The following STOX2 variants were observed in gnomAD, a reference collection of about 807,000 sequenced individuals.
STOX2 encodes the protein storkhead-box protein 2.
STOX2 carries 28 observed loss-of-function variants against 60.9 expected under a neutral mutation model. The observed-to-expected ratio is 0.46, with a 90% CI of 0.34 to 0.63. The LOEUF (loss-of-function observed/expected upper bound fraction) is 0.63, where lower values mean the gene tolerates loss of function less well. Ranked by LOEUF, STOX2 falls within the 30% of genes least tolerant of loss-of-function variation. The probability of loss-of-function intolerance (pLI) is 0.01; values close to 1 mark genes in which losing one functional copy is unlikely to be tolerated. For missense variants in STOX2, 1,024 were observed against 1,187.7 expected (o/e 0.86, Z 2.03); for synonymous variants, 472 against 463.9 (o/e 1.02, Z -0.22).
At chr4:183,962,408 C>A (rs1308610142) in intron 1 of STOX2, among the ~76,000 whole-genome samples, 1 of 151,768 alleles carries the variant, frequency 6.6e-6, no homozygotes, top group Non-Finnish European at 1.5e-5. Context: ...ATGGCAAAAT[C>A]TTCATTATTA....
chr4:183,810,833 T>TA (rs1296319078), intron 1 of STOX2, among the ~76,000 whole-genome samples: 1 of 152,038 alleles, frequency 6.6e-6, no homozygotes, highest in Admixed American at 6.6e-5. Context: ...ATAAGCCAGA[T>TA]ATACTTCTGT....
Position 183,919,960 on chromosome 4 carries a change from C to T in STOX2, c.166+13004C>T, listed in dbSNP as rs976286688. ...TGTGTTGGTACCTGTGTAAGTGTCA[C>T]CTTGTTTAGTCCTCACAGCAATCCT... On this transcript the variant is annotated intron_variant, in intron 1 of 3. Transcript: ENST00000308497. Among the ~76,000 whole-genome samples, 5 of 152,020 alleles carry T rather than the reference C, an allele frequency of 3.3e-5. No individual in the cohort carries two copies. The East Asian group carries it at 5.8e-4, about 18-fold the overall frequency.
chr4:183,915,212 C>CGTCTGATGG (rs1741896717), intron 1 of STOX2, among the ~76,000 whole-genome samples: 1 of 152,166 alleles, frequency 6.6e-6, no homozygotes, highest in African/African-American at 2.4e-5. Flanking sequence ...TGGCCTTATC[C>CGTCTGATGG]GTCTGATGGC....
chr4:183,804,459 GAGA>G (rs1190842870), intron 1 of STOX2, among the ~76,000 whole-genome samples: 1 of 152,242 alleles, frequency 6.6e-6, no homozygotes, highest in East Asian at 1.9e-4. Context: ...GCCAGGAAAG[GAGA>G]AGAAGGTGTG....
chr4:183,834,181 T>C (rs979235127), intron 1 of STOX2, among the ~76,000 whole-genome samples: 22 of 152,234 alleles, frequency 1.4e-4, no homozygotes, highest in Middle Eastern at 3.4e-3. Context: ...AAAGCATTCA[T>C]TGATCTTCCT....
chr4:183,817,768 C>G (rs778606551), intron 1 of STOX2, among the ~76,000 whole-genome samples: 23 of 151,928 alleles, frequency 1.5e-4, no homozygotes, highest in Non-Finnish European at 2.8e-4. Flanking sequence ...CTTTTCTCAC[C>G]GATGGTATTG....
chr4:183,799,663 C>T (rs915402976), intron 1 of STOX2, among the ~76,000 whole-genome samples: 1 of 23,292 alleles, frequency 4.3e-5, no homozygotes, highest in African/African-American at 5.9e-5. Context: ...ACCCCCTACC[C>T]GTACTTTTTT....
At position 183,806,300 on chromosome 4, in the gene STOX2, A is replaced by G. The variant is rs899211709; in HGVS notation, c.364+8245A>G. On this transcript the variant is annotated intron_variant, in intron 1 of 2. Coordinates refer to the STOX2 transcript ENST00000513034. This position sits in a 1 kb window ranked among gnomAD's most constrained non-coding sequence, Gnocchi z 4.1. ...CAGGATGTCACCTCCCCACTCCCCA[A>G]TAACGTACGTTTGGGAAGCACATGA... 2.6e-5 allele frequency among the ~76,000 whole-genome samples: 4 copies of G among 152,158 alleles called. No individual in the cohort carries two copies. Among genetic ancestry groups the G allele is most frequent in the Non-Finnish European group, 4.4e-5 (3 of 68,036 alleles).
intron 1 of STOX2, among the ~76,000 whole-genome samples, chr4:183,972,181 C>T (rs1177205303): frequency 6.6e-6 from 1 of 152,174 alleles, no homozygotes; most frequent in Non-Finnish European, 1.5e-5. Context: ...AGGAGGATTT[C>T]CTTCTTTCTG....
intron 1 of STOX2, chr4:183,853,325 C>A (rs543051222): frequency 6.6e-6 from 1 of 152,338 alleles, no homozygotes; most frequent in Admixed American, 6.5e-5. Flanking sequence ...CCCGTGGGTC[C>A]TTAATGACTT....
At chr4:183,840,008 G>T (rs1380727446) in intron 1 of STOX2, among the ~76,000 whole-genome samples, 1 of 152,052 alleles carries the variant, frequency 6.6e-6, no homozygotes, top group Non-Finnish European at 1.5e-5. Flanking sequence ...AACACTCAGC[G>T]TGCAAGGATT....
intron 1 of STOX2, among the ~76,000 whole-genome samples, chr4:183,935,671 G>A (rs1742570532): frequency 6.6e-6 from 1 of 152,206 alleles, no homozygotes; most frequent in Non-Finnish European, 1.5e-5. Flanking sequence ...TTCTTCACCT[G>A]TAGAAACAAG....
chr4:183,839,744 A>T (rs949547929), intron 1 of STOX2, among the ~76,000 whole-genome samples: 1 of 152,372 alleles, frequency 6.6e-6, no homozygotes, highest in African/African-American at 2.4e-5. Context: ...AATGGAAAGA[A>T]TTTGAAATAT....
chr4:183,807,163 G>A (rs565107761), intron 1 of STOX2, among the ~76,000 whole-genome samples: 3 of 151,970 alleles, frequency 2.0e-5, no homozygotes, highest in Non-Finnish European at 4.4e-5. Flanking sequence ...TAGTAGAGAC[G>A]GGGTTTCACC....
At chr4:183,812,535 C>T (rs985283599) in intron 1 of STOX2, among the ~76,000 whole-genome samples, 12 of 152,162 alleles carry the variant, frequency 7.9e-5, no homozygotes, top group African/African-American at 9.7e-5. Context: ...AACTCAGTTA[C>T]GTGCTGATAG....
chr4:183,967,196 C>G (rs1246494148), intron 1 of STOX2, among the ~76,000 whole-genome samples: 3 of 152,032 alleles, frequency 2.0e-5, no homozygotes, highest in Non-Finnish European at 4.4e-5. Context: ...AACTCCATCT[C>G]TACTAAAAAT....
In STOX2 at chr4:184,017,176, A is replaced by G. The variant is rs1052966013; in HGVS notation, c.2673A>G (p.Gly891=). ...CCGCTTTGAGCCCGGCCCATGGTGG[A>G]GCTGGTCCAGCCTTCAACTTCCGAG... is the stretch of plus-strand genomic sequence containing the variant. The part of the protein sequence containing the change: ...QNPALSPAHG[G]AGPAFNFRAS... Residue 891 remains glycine, a synonymous_variant, in exon 4 of 4, where the codon GGA becomes GGG. Transcript: ENST00000308497. 2.9e-5 allele frequency: 46 copies of G among 1,613,200 alleles called. No homozygotes were observed. The highest frequency in any genetic ancestry group is 3.5e-5 in the Non-Finnish European group (41 of 1,179,446).
At chr4:183,912,545 G>C (rs888326041) in intron 1 of STOX2, among the ~76,000 whole-genome samples, 12 of 152,172 alleles carry the variant, frequency 7.9e-5, no homozygotes, top group Non-Finnish European at 1.8e-4. Flanking sequence ...TAGCCTTCCA[G>C]AACCAGCTCC....
chr4:183,975,063 TAGGAAA>T (rs2111180593), intron 1 of STOX2, among the ~76,000 whole-genome samples: 1 of 152,198 alleles, frequency 6.6e-6, no homozygotes, highest in Non-Finnish European at 1.5e-5. Flanking sequence ...CTCTAAATAC[TAGGAAA>T]TTAAACAACC....
Sources: gnomAD v4.1 joint callset for allele counts (sites outside exome capture counted in the v4.1 genomes callset) on GRCh38, gnomAD v4.1.1 for gene constraint, Gnocchi (gnomAD v3.1) non-coding constraint, MANE v1.5 for transcripts, NCBI Gene and HGNC (gene_info 2026-07-23, HGNC 2026-07-21) for gene names.